The following MAPKAPK2 variants were observed in gnomAD, a reference collection of about 807,000 sequenced individuals.
MAPKAPK2 encodes the protein MAP kinase-activated protein kinase 2.
MAPKAPK2 carries 9 observed loss-of-function variants against 48.8 expected under a neutral mutation model. That is an observed-to-expected ratio of 0.18 (90% CI 0.11 to 0.32). The LOEUF is 0.32. MAPKAPK2 is among the 10% of genes least tolerant of loss of function. The pLI, the probability that MAPKAPK2 is intolerant of heterozygous loss-of-function variation, is 1.00. For missense variants in MAPKAPK2, 331 were observed against 498.3 expected (o/e 0.66, Z 3.20); for synonymous variants, 202 against 190.6 (o/e 1.06, Z -0.49).
At chr1:206,718,437 C>G (rs1356184951) in intron 1 of MAPKAPK2, among the ~76,000 whole-genome samples, 1 of 148,592 alleles carries the variant, frequency 6.7e-6, no homozygotes, top group Non-Finnish European at 1.5e-5. Context: ...GAGGCTGAGG[C>G]AGGAGAATGA....
At chr1:206,727,915 G>A (rs1309804048) in intron 1 of MAPKAPK2, among the ~76,000 whole-genome samples, 2 of 152,174 alleles carry the variant, frequency 1.3e-5, no homozygotes, top group African/African-American at 4.8e-5. Context: ...GAGCCACCGT[G>A]CCCGGCAGCA....
At chr1:206,685,546 C>A (rs1553425466) in intron 1 of MAPKAPK2, 38 bp downstream of exon 1, 4 of 1,443,676 alleles carry the variant, frequency 2.8e-6, no homozygotes, top group East Asian at 6.6e-5. Context: ...CGGGGCCGGT[C>A]CCGGGCCCTG....
chr1:206,706,668 C>A (rs1672969971), intron 1 of MAPKAPK2, among the ~76,000 whole-genome samples: 1 of 152,192 alleles, frequency 6.6e-6, no homozygotes, highest in African/African-American at 2.4e-5. Flanking sequence ...TCCCTCCTTC[C>A]CCTCAGCTGG....
At chr1:206,716,720 C>A (rs894540090) in intron 1 of MAPKAPK2, among the ~76,000 whole-genome samples, 5 of 152,022 alleles carry the variant, frequency 3.3e-5, no homozygotes, top group Non-Finnish European at 5.9e-5. Flanking sequence ...CTGCTTAGGC[C>A]AGAGGCGCAG....
At chr1:206,695,955 C>T in intron 1 of MAPKAPK2, 1 of 704,024 alleles carries the variant, frequency 1.4e-6, no homozygotes, top group East Asian at 2.6e-5. Flanking sequence ...GGCCCCAGGT[C>T]CAGGGGTCTT....
In MAPKAPK2 at chr1:206,731,964, G is replaced by A. The variant is rs782082689; in HGVS notation, c.1059+45G>A. 17 of 1,613,998 alleles carry A rather than the reference G, an allele frequency of 1.1e-5. No individual in the cohort carries two copies. The highest frequency in any genetic ancestry group is 2.2e-5 in the East Asian group (1 of 44,896). On this transcript the variant is annotated intron_variant, in intron 9 of 9. Coordinates refer to ENST00000367103, the MANE Select transcript of MAPKAPK2 (RefSeq NM_032960.4). The surrounding 1 kb of genome is among the most constrained non-coding windows in gnomAD (Gnocchi z 5.9). ...GAGAGGGGCTCCAGGTGGGGTGGGC[G>A]GCTTGCGGGGAGTGCCCAGGTGTGA...
In MAPKAPK2 at chr1:206,704,055, C is replaced by T. The variant is rs937758306; in HGVS notation, c.279+18547C>T. Among the ~76,000 whole-genome samples the T allele has an allele frequency of 1.1e-4, 17 of 152,190 alleles. No homozygotes were observed. The highest frequency in any genetic ancestry group is 4.6e-4 in the Admixed American group (7 of 15,280). On this transcript the variant is annotated intron_variant, in intron 1 of 9. Coordinates refer to ENST00000367103, the MANE Select transcript of MAPKAPK2 (RefSeq NM_032960.4). The surrounding 1 kb of genome is among the most constrained non-coding windows in gnomAD (Gnocchi z 4.3). ...ATTATGAATGAAGCAAAAAGCCTAT[C>T]CCAGGAAATCACAGAGGCTGATGGG... is the stretch of plus-strand genomic sequence containing the variant.
intron 1 of MAPKAPK2, among the ~76,000 whole-genome samples, chr1:206,707,634 C>T (rs1673006350): frequency 6.6e-6 from 1 of 152,132 alleles, no homozygotes; most frequent in Admixed American, 6.5e-5. Flanking sequence ...ACCTTAGTTT[C>T]CGCCAAGATG....
At chr1:206,709,786 GT>G (rs1296588187) in intron 1 of MAPKAPK2, among the ~76,000 whole-genome samples, 1 of 152,160 alleles carries the variant, frequency 6.6e-6, no homozygotes, top group Non-Finnish European at 1.5e-5. Context: ...ATAAGCCTTT[GT>G]TTGTTGTGGG....
Position 206,714,025 on chromosome 1 carries a change from A to G in MAPKAPK2, c.280-14685A>G, listed in dbSNP as rs1051768102. Among the ~76,000 whole-genome samples the G allele has an allele frequency of 2.6e-5, 4 of 152,176 alleles. No homozygotes were observed. In the East Asian group the frequency reaches 7.7e-4, roughly 29 times the overall value. On this transcript the variant is annotated intron_variant, in intron 1 of 9. Transcript: ENST00000367103. Reference sequence around the variant, plus strand: ...GTCTGAGGATGAGTACTCAAGATTTATATCTGGGAGCCTGGCTAGATAGTG... The same window carrying G: ...GTCTGAGGATGAGTACTCAAGATTTGTATCTGGGAGCCTGGCTAGATAGTG...
chr1:206,695,768 CTCTCTT>C, intron 1 of MAPKAPK2: 2 of 213,472 alleles, frequency 9.4e-6, no homozygotes, highest in Non-Finnish European at 8.5e-6. Flanking sequence ...CTCTCTCTCT[CTCTCTT>C]TTTTTTTTTA....
intron 1 of MAPKAPK2, among the ~76,000 whole-genome samples, chr1:206,719,639 A>G (rs1277750927): frequency 1.3e-5 from 2 of 152,166 alleles, no homozygotes; most frequent in Non-Finnish European, 2.9e-5. Context: ...AGAGGCTCTG[A>G]AAGGAGGACA....
chr1:206,724,458 A>ATCC (rs1383431710), intron 1 of MAPKAPK2, among the ~76,000 whole-genome samples: 1 of 151,778 alleles, frequency 6.6e-6, no homozygotes, highest in Non-Finnish European at 1.5e-5. Context: ...TGCCTCGCCC[A>ATCC]TCTGAAGGGC....
At position 206,711,581 on chromosome 1, in the gene MAPKAPK2, T is replaced by G. The variant is rs145417924; in HGVS notation, c.280-17129T>G. Among the ~76,000 whole-genome samples the G allele has an allele frequency of 2.1e-3, 318 of 151,440 alleles. 1 individual carries two copies. The highest frequency in any genetic ancestry group is 6.3e-3 in the African/African-American group (259 of 41,348). On this transcript the variant is annotated intron_variant, in intron 1 of 9. Coordinates refer to ENST00000367103, the MANE Select transcript of MAPKAPK2 (RefSeq NM_032960.4). ...AATGTATTTTTGAAGAACTTTTGAT[T>G]TCAGTATGTCTTAATCTACCTCATT... is the stretch of plus-strand genomic sequence containing the variant.
intron 1 of MAPKAPK2, among the ~76,000 whole-genome samples, chr1:206,701,340 G>A (rs1672787133): frequency 6.6e-6 from 1 of 152,092 alleles, no homozygotes; most frequent in African/African-American, 2.4e-5. Context: ...TAGTGGCCAC[G>A]GTTTTATGTG....
intron 1 of MAPKAPK2, among the ~76,000 whole-genome samples, chr1:206,692,715 G>C (rs1572478024): frequency 6.6e-6 from 1 of 152,216 alleles, no homozygotes. Context: ...CAGCCAAGCT[G>C]TGCGCTCATT....
rs782440806 is a variant in MAPKAPK2, at chr1:206,731,995, G to A, written c.1059+76G>A. ...CGGGGAGTGCCCAGGTGTGAGGCGT[G>A]GTGCTGGTAGGGGAGAGCTTGATTC... On this transcript the variant is annotated intron_variant, in intron 9 of 9. Transcript: ENST00000367103. The surrounding 1 kb of genome is among the most constrained non-coding windows in gnomAD (Gnocchi z 5.9). 1.9e-6 allele frequency: 3 copies of A among 1,613,980 alleles called. No homozygotes were observed. The highest frequency in any genetic ancestry group is 2.7e-5 in the African/African-American group (2 of 74,868).
At chr1:206,712,759 A>G (rs1673194375) in intron 1 of MAPKAPK2, among the ~76,000 whole-genome samples, 1 of 151,994 alleles carries the variant, frequency 6.6e-6, no homozygotes, top group African/African-American at 2.4e-5. Flanking sequence ...TGAGGTCAGG[A>G]GTTTGAGACC....
chr1:206,691,504 T>TATATATATATATATATACAC lies in MAPKAPK2; in HGVS notation c.279+5997_279+5998insTATATATATATATATACACA, dbSNP rs1424297313. 2.2e-3 allele frequency among the ~76,000 whole-genome samples: 249 copies of TATATATATATATATATACAC among 112,098 alleles called. 3 individuals are homozygous for TATATATATATATATATACAC. The highest frequency in any genetic ancestry group is 5.5e-3 in the African/African-American group (180 of 32,618). The allele number at this position is 112,098 out of a possible 152,430, so 73.5% of individuals were successfully genotyped here. ...TAAGATATATATATATATATATATA[T>TATATATATATATATATACAC]ACACACATACACAGATATAGATATG... On this transcript the variant is annotated intron_variant, in intron 1 of 9. Transcript: ENST00000367103.
Sources: gnomAD v4.1 joint callset for allele counts (sites outside exome capture counted in the v4.1 genomes callset) on GRCh38, gnomAD v4.1.1 for gene constraint, Gnocchi (gnomAD v3.1) non-coding constraint, MANE v1.5 for transcripts, NCBI Gene and HGNC (gene_info 2026-07-23, HGNC 2026-07-21) for gene names.